Variants in SON observed in about 807,000 individuals in gnomAD.
The protein encoded by SON is protein SON.
A neutral mutation model predicts 173.3 loss-of-function variants in SON; 4 were observed. The ratio of observed to expected loss-of-function variants is 0.02; its 90% CI spans 0.01 to 0.05. SON has a LOEUF of 0.05. SON is among the 10% of genes least tolerant of loss of function. The pLI, the probability that SON is intolerant of heterozygous loss-of-function variation, is 1.00. For synonymous variants in SON, 1,190 were observed against 1,105.9 expected (o/e 1.08, Z -1.51); for missense variants, 2,626 against 3,055.3 (o/e 0.86, Z 3.31).
rs375558086 is a variant in SON, at chr21:33,560,159, G to A, written c.6657+384G>A. The stretch of plus-strand genomic sequence containing the variant: ...AATTTATCGGGTGGAGGGATTGATC[G>A]GAGAGGGCAGATCCTCAGGTTCAAC... On this transcript the variant is annotated intron_variant, in intron 6 of 11. Coordinates refer to ENST00000356577, the MANE Select transcript of SON (RefSeq NM_138927.4). The A allele has an allele frequency of 8.8e-6, 14 of 1,596,838 alleles. No individual in the cohort carries two copies. In the African/African-American group the frequency reaches 9.4e-5, roughly 11 times the overall value.
Position 33,543,132 on chromosome 21 carries a change from G to T in SON, c.40G>T (p.Val14Phe), listed in dbSNP as rs2085498423. The part of the protein sequence containing the change: ...NIEQIFRSFV[V>F]SKFREIQQEL... The stretch of plus-strand genomic sequence containing the variant: ...CGAGCAGATTTTTAGGTCTTTCGTG[G>T]TCAGTAAATTCCGGGAAATTCAACA... The change falls in exon 1 of 12, where the codon GTC (valine) becomes TTC (phenylalanine). Residue 14 changes from valine to phenylalanine, a missense_variant. Around this residue, in one of 13 missense-constraint regions of SON, gnomAD observed 757 missense variants for 730.1 expected, o/e 1.04. Transcript: ENST00000356577. 1 of 1,614,136 alleles carries T rather than the reference G, an allele frequency of 6.2e-7. No homozygotes were observed. Among genetic ancestry groups the T allele is most frequent in the Non-Finnish European group, 8.5e-7 (1 of 1,180,046 alleles).
At position 33,551,228 on chromosome 21, in the gene SON, C is replaced by T. The variant is rs1448822835; in HGVS notation, c.1997C>T (p.Thr666Met). The T allele has an allele frequency of 1.5e-5, 25 of 1,614,130 alleles. No individual in the cohort carries two copies. The highest frequency in any genetic ancestry group is 3.3e-5 in the Admixed American group (2 of 60,020). The stretch of plus-strand genomic sequence containing the variant: ...GTGGTGACAACATCGGAGCTGTCAA[C>T]GATGACCGTGTCGCAGTCCCTGGAG... ...QSVVTTSELSTMTVSQSLEVP... is the reference protein window; with the variant it reads ...QSVVTTSELSMMTVSQSLEVP... Residue 666 changes from threonine to methionine, a missense_variant, in exon 3 of 12, where the codon ACG (threonine) becomes ATG (methionine). Around this residue, in one of 13 missense-constraint regions of SON, gnomAD observed 182 missense variants for 193.6 expected, o/e 0.94. Transcript: ENST00000356577.
At position 33,550,776 on chromosome 21, in the gene SON, G is replaced by A; in HGVS notation, c.1545G>A (p.Gln515=). 6.2e-7 allele frequency: 1 copy of A among 1,614,228 alleles called. No individual in the cohort carries two copies. Among genetic ancestry groups the A allele is most frequent in the Non-Finnish European group, 8.5e-7 (1 of 1,180,034 alleles). ...EQPVTTTELE[Q]PVGMTTVEHP... ...CTGTGACGACGACAGAGTTGGAGCA[G>A]CCTGTGGGGATGACAACGGTGGAAC... The change falls in exon 3 of 12, where the codon CAG becomes CAA. Residue 515 remains glutamine, a synonymous_variant. Transcript: ENST00000356577.
At position 33,554,425 on chromosome 21, in the gene SON, G is replaced by A. The variant is rs200054412; in HGVS notation, c.5194G>A (p.Asp1732Asn). Reference sequence around the variant, plus strand: ...CAATATTGAGGATATTAATGAAGCAGATTTAGTGAGACCGTTACTTCCTAA... The same window carrying A: ...CAATATTGAGGATATTAATGAAGCAAATTTAGTGAGACCGTTACTTCCTAA... The part of the protein sequence containing the change: ...SANIEDINEA[D>N]LVRPLLPKDM... The change falls in exon 3 of 12, where the codon GAT becomes AAT. Residue 1732 changes from aspartate to asparagine, a missense_variant. Around this residue, in one of 13 missense-constraint regions of SON, gnomAD observed 1,006 missense variants for 895.6 expected, o/e 1.12. Transcript: ENST00000356577. 1 of 1,614,180 alleles carries A rather than the reference G, an allele frequency of 6.2e-7. No homozygotes were observed. Among genetic ancestry groups the A allele is most frequent in the Non-Finnish European group, 8.5e-7 (1 of 1,180,030 alleles).
chr21:33,553,769 C>A lies in SON; in HGVS notation c.4538C>A (p.Pro1513Gln). 6.2e-7 allele frequency: 1 copy of A among 1,614,000 alleles called. No homozygotes were observed. The highest frequency in any genetic ancestry group is 1.1e-5 in the South Asian group (1 of 91,076). The part of the protein sequence containing the change: ...QEIALHSGEE[P>Q]HAEEHLKGDF... Reference sequence around the variant, plus strand: ...ATTGCATTGCATTCAGGTGAAGAACCACATGCTGAGGAACACCTGAAAGGT... The same window carrying A: ...ATTGCATTGCATTCAGGTGAAGAACAACATGCTGAGGAACACCTGAAAGGT... Residue 1513 changes from proline to glutamine, a missense_variant, in exon 3 of 12, where the codon CCA (proline) becomes CAA (glutamine). Physicochemically the swap from Pro to Gln is moderately conservative, Grantham distance 76 (BLOSUM62 -1). Coordinates refer to ENST00000356577, the MANE Select transcript of SON (RefSeq NM_138927.4).
intron 6 of SON, chr21:33,560,684 A>C: frequency 1.1e-6 from 1 of 878,176 alleles, no homozygotes; most frequent in Non-Finnish European, 1.4e-6. Flanking sequence ...GTGCAAAATC[A>C]CGCTTGGGGG....
Position 33,552,421 on chromosome 21 carries a change from C to T in SON, c.3190C>T (p.Arg1064Cys). 7 of 1,613,714 alleles carry T rather than the reference C, an allele frequency of 4.3e-6. No individual in the cohort carries two copies. Among genetic ancestry groups the T allele is most frequent in the South Asian group, 1.1e-5 (1 of 91,060 alleles). ...GCGCTCTATGATGTCAGCTTATGAACGCTCCATGATGTCAGCTTATGAACG... is the reference window on the plus strand; with the variant it reads ...GCGCTCTATGATGTCAGCTTATGAATGCTCCATGATGTCAGCTTATGAACG... ...AERSMMSAYE[R>C]SMMSAYERSM... Residue 1064 changes from arginine to cysteine, a missense_variant, in exon 3 of 12, where the codon CGC (arginine) becomes TGC (cysteine). By Grantham distance (180) the Arg-to-Cys change is radical. Coordinates refer to ENST00000356577, the MANE Select transcript of SON (RefSeq NM_138927.4). The surrounding 1 kb of genome is among the most constrained non-coding windows in gnomAD (Gnocchi z 5.6).
rs752350178 is a variant in SON at position 33,550,460 on chromosome 21, C to T, written c.1229C>T (p.Ala410Val). ...TPVLELPGPS[A>V]TPVPELPGPL... ...GTGCTGGAGTTACCTGGGCCCTCTG[C>T]TACCCCGGTGCCAGAGTTGCCAGGG... is the stretch of plus-strand genomic sequence containing the variant. The change falls in exon 3 of 12, where the codon GCT becomes GTT. Residue 410 changes from alanine (A) to valine (V), a missense_variant. This residue lies in a region of SON where 757 missense variants were observed against 730.1 expected (regional missense o/e 1.04). Transcript: ENST00000356577. 6.2e-7 allele frequency: 1 copy of T among 1,613,790 alleles called. No individual in the cohort carries two copies. The highest frequency in any genetic ancestry group is 8.5e-7 in the Non-Finnish European group (1 of 1,179,932).
intron 2 of SON, among the ~76,000 whole-genome samples, chr21:33,547,705 CTTT>C (rs928851742): frequency 1.1e-4 from 8 of 70,996 alleles, no homozygotes; most frequent in African/African-American, 3.8e-4. Context: ...CTTCTGTAGT[CTTT>C]TTTTTTTTTT....
At position 33,575,606 on chromosome 21, in the gene SON, A is replaced by T. The variant is rs2086382296; in HGVS notation, c.7044A>T (p.Ala2348=). ...AATTTTTTTTTAAAGGTCTTGTTGC[A>T]GTAGGAGAAAGAGCACAAAAGAGGT... ...DFKTDRKGLV[A]VGERAQKRSG... The change falls in exon 10 of 12, where the codon GCA becomes GCT. Residue 2348 remains alanine, a synonymous_variant. Transcript: ENST00000356577. 1 of 1,609,396 alleles carries T rather than the reference A, an allele frequency of 6.2e-7. No individual in the cohort carries two copies. The highest frequency in any genetic ancestry group is 8.5e-7 in the Non-Finnish European group (1 of 1,178,504).
chr21:33,550,326 T>C lies in SON; in HGVS notation c.1095T>C (p.Pro365=). The change falls in exon 3 of 12, where the codon CCT becomes CCC. Residue 365 remains proline, a synonymous_variant. Transcript: ENST00000356577. ...MTRPQELPEL[P]KTTALELQES... is the part of the protein sequence containing the mutation. ...GACCGCAGGAGTTGCCGGAGCTGCC[T>C]AAGACCACAGCGTTGGAGCTGCAGG... The C allele has an allele frequency of 6.2e-7, 1 of 1,614,080 alleles. No individual in the cohort carries two copies. The highest frequency in any genetic ancestry group is 8.5e-7 in the Non-Finnish European group (1 of 1,180,018).
At chr21:33,575,399 A>G (rs989521558) in intron 9 of SON, 197 bp from the exon 10 acceptor site, 7 of 460,588 alleles carry the variant, frequency 1.5e-5, no homozygotes, top group South Asian at 4.2e-5. Context: ...ACCAAGATCT[A>G]TGAATATTAA....
chr21:33,557,945 G>C (rs538611154), intron 4 of SON: 1 of 186,854 alleles, frequency 5.4e-6, no homozygotes, highest in South Asian at 1.0e-4. Context: ...AGGCTTTTTT[G>C]GGGCTTTGTT....
At chr21:33,575,450 G>C (rs2086379021) in intron 9 of SON, 146 bp from the exon 10 acceptor site, 1 of 509,686 alleles carries the variant, frequency 2.0e-6, no homozygotes, top group East Asian at 3.0e-5. Context: ...AGAGAAGAAA[G>C]AGAAGATTGA....
chr21:33,569,136 T>G (rs1351630962), intron 8 of SON, 49 bp downstream of exon 8: 1 of 1,119,200 alleles, frequency 8.9e-7, no homozygotes. Context: ...AGTTTAAATT[T>G]TTTGGAAACT....
chr21:33,569,544 C>A, intron 8 of SON: 1 of 401,842 alleles, frequency 2.5e-6, no homozygotes, highest in South Asian at 1.9e-5. Context: ...TTCCTCTATT[C>A]CTTTGCCCTC....
At position 33,551,803 on chromosome 21, in the gene SON, A is replaced by C. The variant is rs748127868; in HGVS notation, c.2572A>C (p.Thr858Pro). 1.2e-6 allele frequency: 2 copies of C among 1,613,324 alleles called. No individual in the cohort carries two copies. The highest frequency in any genetic ancestry group is 2.7e-5 in the African/African-American group (2 of 74,818). Residue 858 changes from threonine (T) to proline (P), a missense_variant, in exon 3 of 12, where the codon ACT becomes CCT. Physicochemically the swap from Thr to Pro is conservative, Grantham distance 38. Transcript: ENST00000356577. The part of the protein sequence containing the change: ...TSTMDSQMLA[T>P]SSMDSQMLAS... ...CACCATGGACTCCCAGATGTTAGCA[A>C]CTAGCTCAATGGATTCCCAGATGTT...
intron 8 of SON, chr21:33,569,373 T>A: frequency 2.7e-6 from 1 of 369,152 alleles, no homozygotes; most frequent in Admixed American, 4.5e-5. Context: ...TAATAGTGTA[T>A]CAGGTGCTGT....
At position 33,553,971 on chromosome 21, in the gene SON, C is replaced by T. The variant is rs1243327424; in HGVS notation, c.4740C>T (p.Thr1580=). Residue 1580 remains threonine, a synonymous_variant, in exon 3 of 12, where the codon ACC becomes ACT. Transcript: ENST00000356577. ...CTAAACAGCGCACAGTATTGGATAC[C>T]TACCCTGGTGTTAGTGAAGCTGATG... The part of the protein sequence containing the change: ...SETKQRTVLD[T]YPGVSEADAG... 1.9e-6 allele frequency: 3 copies of T among 1,613,972 alleles called. No individual in the cohort carries two copies. The African/African-American group carries it at 4.0e-5, about 22-fold the overall frequency.
Sources: gnomAD v4.1 joint callset for allele counts (sites outside exome capture counted in the v4.1 genomes callset) on GRCh38, gnomAD v4.1.1 for gene constraint, gnomAD v4.1.1 regional missense constraint, Gnocchi (gnomAD v3.1) non-coding constraint, MANE v1.5 for transcripts, NCBI Gene and HGNC (gene_info 2026-07-23, HGNC 2026-07-21) for gene names.